Variants in NGDN observed in about 807,000 individuals in gnomAD.
NGDN encodes EIF4E-binding protein.
A neutral mutation model predicts 45.2 loss-of-function variants in NGDN; 41 were observed. The observed-to-expected ratio is 0.91, with a 90% confidence interval of 0.71 to 1.18. The LOEUF is 1.18. NGDN is among the 50% of genes most tolerant of loss of function. The probability of loss-of-function intolerance (pLI) is 0.00; values close to 1 mark genes in which losing one functional copy is unlikely to be tolerated. For missense variants in NGDN, 402 were observed against 399.9 expected (o/e 1.01, Z -0.05); for synonymous variants, 137 against 130.9 (o/e 1.05, Z -0.32).
intron 10 of NGDN, 119 bp from the exon 11 acceptor site, chr14:23,477,888 C>T (rs1893941001): frequency 6.3e-7 from 1 of 1,579,928 alleles, no homozygotes; most frequent in Non-Finnish European, 8.6e-7. Flanking sequence ...GGAAGATATT[C>T]AGGGTACTGC....
rs753844834 is a variant in NGDN, at chr14:23,470,121, G to A, written c.72+20G>A. Reference sequence around the variant, plus strand: ...GAGCAAGTGAGTAGTGTCGCCTCTGGAATAAATTAGTCACGGATTGGCTTT... The same window carrying A: ...GAGCAAGTGAGTAGTGTCGCCTCTGAAATAAATTAGTCACGGATTGGCTTT... On this transcript the variant is annotated intron_variant, in intron 2 of 10. Coordinates refer to ENST00000408901, the MANE Select transcript of NGDN (RefSeq NM_001042635.2). 3 of 1,609,232 alleles carry A rather than the reference G, an allele frequency of 1.9e-6. No homozygotes were observed. Among genetic ancestry groups the A allele is most frequent in the South Asian group, 2.2e-5 (2 of 90,956 alleles).
intron 2 of NGDN, chr14:23,470,390 T>TA (rs1432398444): frequency 5.0e-5 from 21 of 419,966 alleles, no homozygotes; most frequent in African/African-American, 3.9e-4. Context: ...GCCCAGGTAA[T>TA]ACACACTTAT....
In NGDN at chr14:23,470,940, C is replaced by T. The variant is rs751432778; in HGVS notation, c.107C>T (p.Thr36Ile). 1 of 1,555,384 alleles carries T rather than the reference C, an allele frequency of 6.4e-7. No homozygotes were observed. ...MAVTAQVKSL[T>I]QKVQAGAYPT... is the part of the protein sequence containing the mutation. The stretch of plus-strand genomic sequence containing the variant: ...GTAACTGCACAAGTGAAATCACTGA[C>T]ACAAAAAGTTCAAGCTGGTGCCTAT... The change falls in exon 3 of 11, where the codon ACA (threonine) becomes ATA (isoleucine). Residue 36 changes from threonine to isoleucine, a missense_variant. Transcript: ENST00000408901.
At chr14:23,470,021 C>T (rs1281987819) in intron 1 of NGDN, 21 bp from the exon 2 acceptor site, 3 of 1,612,548 alleles carry the variant, frequency 1.9e-6, no homozygotes, top group Non-Finnish European at 2.5e-6. Context: ...CTTTTCTTTA[C>T]GCCTCCTCTC....
chr14:23,471,495 G>A (rs1595104919), intron 3 of NGDN: 1 of 152,452 alleles, frequency 6.6e-6, no homozygotes, highest in East Asian at 1.9e-4. Flanking sequence ...CTTATTAATT[G>A]GGACATATCA....
At position 23,470,044 on chromosome 14, in the gene NGDN, G is replaced by T. The variant is rs1358029931; in HGVS notation, c.15G>T (p.Gly5=). The T allele has an allele frequency of 1.2e-6, 2 of 1,613,908 alleles. No individual in the cohort carries two copies. The highest frequency in any genetic ancestry group is 3.3e-5 in the Admixed American group (2 of 60,000). Residue 5 remains glycine, a splice_region_variant and synonymous_variant, in exon 2 of 11, where the codon GGG becomes GGT. Coordinates refer to ENST00000408901, the MANE Select transcript of NGDN (RefSeq NM_001042635.2). Reference sequence around the variant, plus strand: ...TACGCCTCCTCTCCCTTCTGTAGGGGGTGCTGGAGTCCGACCTGCCAAGTG... The same window carrying T: ...TACGCCTCCTCTCCCTTCTGTAGGGTGTGCTGGAGTCCGACCTGCCAAGTG... The part of the protein sequence containing the change: MAAL[G]VLESDLPSAV...
Position 23,477,477 on chromosome 14 carries a change from T to A in NGDN, c.871-26T>A. 2.5e-6 allele frequency: 4 copies of A among 1,614,018 alleles called. No individual in the cohort carries two copies. The Middle Eastern group carries it at 4.9e-4, about 200-fold the overall frequency. On this transcript the variant is annotated intron_variant, in intron 9 of 10. Transcript: ENST00000408901. ...CTGGCTCTCAGAACCACAGTGCCAT[T>A]CCATCACTTCTCCATCTGTCTCCAG... is the stretch of plus-strand genomic sequence containing the variant.
At chr14:23,474,717 T>G (rs1406793708) in intron 3 of NGDN, among the ~76,000 whole-genome samples, 1 of 152,256 alleles carries the variant, frequency 6.6e-6, no homozygotes, top group Non-Finnish European at 1.5e-5. Flanking sequence ...GGGAAATTGG[T>G]AATTACTTTG....
chr14:23,477,104 T>C, intron 8 of NGDN, 96 bp from the exon 9 acceptor site: 1 of 1,182,614 alleles, frequency 8.5e-7, no homozygotes, highest in Non-Finnish European at 1.2e-6. Context: ...GAGAACTCCC[T>C]GAACAAGAGA....
chr14:23,469,787 C>T, intron 1 of NGDN, 60 bp downstream of exon 1: 3 of 1,602,982 alleles, frequency 1.9e-6, no homozygotes, highest in Admixed American at 3.4e-5. Context: ...TTGCCTTCAG[C>T]GGCTGGAGGC....
In NGDN at chr14:23,475,815, G is replaced by A. The variant is rs1189983081; in HGVS notation, c.420+37G>A. The stretch of plus-strand genomic sequence containing the variant: ...TAGTATTCTCCTGATTTTTTTCTGA[G>A]GCAGCTATACCTAGATGAGCCTCTT... On this transcript the variant is annotated intron_variant, in intron 6 of 10. Transcript: ENST00000408901. The A allele has an allele frequency of 5.0e-6, 8 of 1,597,114 alleles. No homozygotes were observed. The Admixed American group carries it at 8.5e-5, about 17-fold the overall frequency.
downstream of NGDN, chr14:23,478,738 C>A (rs969768552): frequency 7.2e-6 from 1 of 138,206 alleles, no homozygotes; most frequent in African/African-American, 2.8e-5. Flanking sequence ...ACCCCCACCC[C>A]CCCGCCTTCA....
At chr14:23,473,250 C>T (rs1411400061) in intron 3 of NGDN, among the ~76,000 whole-genome samples, 3 of 152,088 alleles carry the variant, frequency 2.0e-5, no homozygotes, top group Non-Finnish European at 4.4e-5. Flanking sequence ...CCACCCACCT[C>T]GGCATCCCAA....
rs1157491744 is a variant in NGDN, at chr14:23,475,151, TTC to T, written c.145-18_145-17del. On this transcript the variant is annotated intron_variant, in intron 3 of 10. Transcript: ENST00000408901. ...TGGCTAAAACCAAATCTGTTTTTCTTTCTGTTTTGTTCAACTCAGGGTCTCAG... is the reference window on the plus strand; with the variant it reads ...TGGCTAAAACCAAATCTGTTTTTCTTTGTTTTGTTCAACTCAGGGTCTCAG... 9 of 1,595,192 alleles carry T rather than the reference TTC, an allele frequency of 5.6e-6. No individual in the cohort carries two copies. The Admixed American group carries it at 7.3e-5, about 13-fold the overall frequency.
intron 10 of NGDN, 115 bp from the exon 11 acceptor site, chr14:23,477,892 G>T: frequency 2.5e-6 from 4 of 1,595,594 alleles, no homozygotes; most frequent in Non-Finnish European, 3.4e-6. Flanking sequence ...GATATTCAGG[G>T]TACTGCCTAG....
Position 23,478,035 on chromosome 14 carries a change from G to A in NGDN, c.*9G>A, listed in dbSNP as rs1893945228. On this transcript the variant is annotated 3_prime_UTR_variant, in exon 11 of 11. Transcript: ENST00000408901. Reference sequence around the variant, plus strand: ...TTCGGAGGCGGCGGTGATTATGGGTGTACATATTTGTATATTTTTTGTCAT... The same window carrying A: ...TTCGGAGGCGGCGGTGATTATGGGTATACATATTTGTATATTTTTTGTCAT... 1.9e-6 allele frequency: 3 copies of A among 1,612,828 alleles called. No homozygotes were observed. The African/African-American group carries it at 4.0e-5, about 22-fold the overall frequency.
At chr14:23,472,175 A>G (rs1374442197) in intron 3 of NGDN, among the ~76,000 whole-genome samples, 4 of 138,726 alleles carry the variant, frequency 2.9e-5, no homozygotes, top group Non-Finnish European at 6.1e-5. Flanking sequence ...ACAGAGTGAG[A>G]CTGTCTTAAA....
chr14:23,470,670 C>T (rs1285168270), intron 2 of NGDN, among the ~76,000 whole-genome samples: 1 of 152,050 alleles, frequency 6.6e-6, no homozygotes, highest in Non-Finnish European at 1.5e-5. Flanking sequence ...GTCCTTTTCT[C>T]CTCCCTGTGG....
At chr14:23,474,899 A>G (rs531149684) in intron 3 of NGDN, among the ~76,000 whole-genome samples, 2 of 152,020 alleles carry the variant, frequency 1.3e-5, no homozygotes, top group East Asian at 3.9e-4. Flanking sequence ...AGATTGAGAA[A>G]CCCTGTTATA....
Sources: allele counts gnomAD v4.1 joint callset (sites outside exome capture counted in the v4.1 genomes callset), GRCh38; gene constraint gnomAD v4.1.1; transcripts MANE v1.5; gene names NCBI Gene and HGNC (gene_info 2026-07-23, HGNC 2026-07-21).